The following GATAD2B variants were observed in gnomAD, a reference collection of about 807,000 sequenced individuals.
The protein encoded by GATAD2B is transcriptional repressor p66-beta.
GATAD2B carries 8 observed loss-of-function variants against 64.3 expected under a neutral mutation model. The observed-to-expected ratio is 0.12, with a 90% CI of 0.07 to 0.22. The LOEUF (loss-of-function observed/expected upper bound fraction) is 0.22, where lower values mean the gene tolerates loss of function less well. Among genes scored for constraint, GATAD2B ranks in the 10% least tolerant of loss-of-function variants. GATAD2B has a pLI of 1.00. For synonymous variants in GATAD2B, 281 were observed against 271.3 expected (o/e 1.04, Z -0.35); for missense variants, 453 against 752.0 (o/e 0.60, Z 4.65).
chr1:153,875,660 T>C (rs1215722019), intron 1 of GATAD2B, among the ~76,000 whole-genome samples: 3 of 103,290 alleles, frequency 2.9e-5, no homozygotes, highest in South Asian at 3.2e-4. Flanking sequence ...TACAGGTCAA[T>C]AGACCTACCA....
intron 1 of GATAD2B, among the ~76,000 whole-genome samples, chr1:153,906,850 T>G (rs970327682): frequency 6.6e-6 from 1 of 152,064 alleles, no homozygotes; most frequent in African/African-American, 2.4e-5. Context: ...AATAGACATG[T>G]CTCCAAAGGA....
At chr1:153,849,774 A>G (rs1287782987) in intron 1 of GATAD2B, among the ~76,000 whole-genome samples, 1 of 151,198 alleles carries the variant, frequency 6.6e-6, no homozygotes, top group East Asian at 2.0e-4. Context: ...GGGATTACAG[A>G]CATGTGCCAC....
chr1:153,916,497 T>C (rs1195613342), intron 1 of GATAD2B, among the ~76,000 whole-genome samples: 1 of 152,092 alleles, frequency 6.6e-6, no homozygotes, highest in Non-Finnish European at 1.5e-5. Context: ...AGAAATGATG[T>C]TGGAAATGTT....
chr1:153,840,026 CTTTTTTTTTTTTT>C (rs779722872), intron 1 of GATAD2B, among the ~76,000 whole-genome samples: 1 of 97,812 alleles, frequency 1.0e-5, no homozygotes, highest in Non-Finnish European at 1.9e-5. Flanking sequence ...AAAATACTTT[CTTTTTTTTTTTTT>C]TTTTTTTTTT....
At chr1:153,840,075 C>A (rs1182541058) in intron 1 of GATAD2B, among the ~76,000 whole-genome samples, 1 of 143,070 alleles carries the variant, frequency 7.0e-6, no homozygotes. Context: ...TCTTGTTGCC[C>A]AGGCTGGAGT....
In GATAD2B at chr1:153,808,935, T is replaced by C. The variant is rs1327064655; in HGVS notation, c.*1242A>G. On this transcript the variant is annotated 3_prime_UTR_variant, in exon 11 of 11. Coordinates refer to ENST00000368655, the MANE Select transcript of GATAD2B (RefSeq NM_020699.4). ...CTGTTTGGCTTTGAGCAGTTGGTTC[T>C]GCAGCTGGTGCAGCAGAGTAAGGAC... 3 of 152,252 alleles carry C rather than the reference T, an allele frequency of 2.0e-5. No individual in the cohort carries two copies. The highest frequency in any genetic ancestry group is 1.9e-4 in the East Asian group (1 of 5,200). The allele number at this position is 152,252 out of a possible 1,614,324, so 9.4% of individuals were successfully genotyped here.
intron 1 of GATAD2B, among the ~76,000 whole-genome samples, chr1:153,835,411 C>A (rs913543525): frequency 1.3e-5 from 2 of 151,728 alleles, no homozygotes; most frequent in Non-Finnish European, 2.9e-5. Flanking sequence ...TGGCAAACTT[C>A]ATCATCTTAT....
At chr1:153,844,654 T>C (rs934258804) in intron 1 of GATAD2B, among the ~76,000 whole-genome samples, 5 of 149,370 alleles carry the variant, frequency 3.3e-5, no homozygotes, top group Admixed American at 1.4e-4. Context: ...CAGTAAACTA[T>C]CGCAAGAACA....
rs1459439479 is a variant in GATAD2B at position 153,816,974 on chromosome 1, C to G, written c.901-386G>C. Reference sequence around the variant, plus strand: ...CCTTGAACCCAGGAGGCAGAGGTTGCAGTGAGCCAAGATCATGCCACTGCA... The same window carrying G: ...CCTTGAACCCAGGAGGCAGAGGTTGGAGTGAGCCAAGATCATGCCACTGCA... On this transcript the variant is annotated intron_variant, in intron 6 of 10. Coordinates refer to ENST00000368655, the MANE Select transcript of GATAD2B (RefSeq NM_020699.4). This position sits in a 1 kb window ranked among gnomAD's most constrained non-coding sequence, Gnocchi z 4.9. 1.3e-5 allele frequency among the ~76,000 whole-genome samples: 2 copies of G among 152,112 alleles called. No homozygotes were observed. The highest frequency in any genetic ancestry group is 1.5e-5 in the Non-Finnish European group (1 of 68,026).
intron 1 of GATAD2B, among the ~76,000 whole-genome samples, chr1:153,889,003 G>A (rs1677270630): frequency 6.6e-6 from 1 of 152,128 alleles, no homozygotes; most frequent in Non-Finnish European, 1.5e-5. Flanking sequence ...ACCATGAGGA[G>A]TAATAATAGA....
intron 1 of GATAD2B, among the ~76,000 whole-genome samples, chr1:153,908,782 GAAA>G (rs1553199454): frequency 9.4e-5 from 3 of 31,854 alleles, no homozygotes; most frequent in Non-Finnish European, 1.9e-4. Context: ...AACATACTTG[GAAA>G]AAAAAAAAAA....
intron 1 of GATAD2B, among the ~76,000 whole-genome samples, chr1:153,895,595 T>TA (rs971283049): frequency 7.7e-5 from 10 of 129,888 alleles, no homozygotes; most frequent in South Asian, 7.3e-4. Flanking sequence ...AAAATAAAAA[T>TA]AAAAAAAAAA....
At chr1:153,907,855 A>G (rs1463743045) in intron 1 of GATAD2B, among the ~76,000 whole-genome samples, 4 of 151,344 alleles carry the variant, frequency 2.6e-5, no homozygotes, top group Admixed American at 2.6e-4. Flanking sequence ...CCCAGGCTGG[A>G]GTGCAGTGGC....
At chr1:153,890,311 A>AC (rs757656054) in intron 1 of GATAD2B, among the ~76,000 whole-genome samples, 22 of 151,562 alleles carry the variant, frequency 1.5e-4, no homozygotes, top group Non-Finnish European at 2.4e-4. Flanking sequence ...ACACAGTGAG[A>AC]CCCCGTCTCT....
chr1:153,844,201 T>C (rs914987171), intron 1 of GATAD2B, among the ~76,000 whole-genome samples: 2 of 151,682 alleles, frequency 1.3e-5, no homozygotes, highest in South Asian at 2.1e-4. Context: ...GAGGAAACTA[T>C]CCAAGACTGG....
At chr1:153,852,365 T>C in intron 1 of GATAD2B, 1 of 863,118 alleles carries the variant, frequency 1.2e-6, no homozygotes, top group Non-Finnish European at 2.0e-6. Context: ...TCGCCTGCCA[T>C]CACCCTCATA....
intron 1 of GATAD2B, among the ~76,000 whole-genome samples, chr1:153,901,978 CAA>C (rs35731326): frequency 0.34 from 30,970 of 91,552 alleles, 3,805 homozygotes; most frequent in Admixed American, 0.44. Flanking sequence ...GACTCCGTCT[CAA>C]AAAAAAAAAA....
chr1:153,876,892 A>G (rs1278191277), intron 1 of GATAD2B, among the ~76,000 whole-genome samples: 1 of 152,008 alleles, frequency 6.6e-6, no homozygotes, highest in Admixed American at 6.6e-5. Flanking sequence ...AATTTCAGCT[A>G]CTCGGGAGGC....
intron 7 of GATAD2B, among the ~76,000 whole-genome samples, chr1:153,814,994 T>C (rs151216759): frequency 9.4e-4 from 125 of 133,120 alleles, no homozygotes; most frequent in African/African-American, 3.5e-3. Context: ...AAAAAAAGAA[T>C]TGCTTGAAAC....
Sources: allele counts gnomAD v4.1 joint callset (sites outside exome capture counted in the v4.1 genomes callset), GRCh38; gene constraint gnomAD v4.1.1; non-coding constraint Gnocchi (gnomAD v3.1); transcripts MANE v1.5; gene names NCBI Gene and HGNC (gene_info 2026-07-23, HGNC 2026-07-21).